Variants in SND1 observed in about 807,000 individuals in gnomAD.
The protein encoded by SND1 is staphylococcal nuclease and tudor domain containing 1.
In SND1, 38 loss-of-function variants were observed where a neutral mutation model predicts 121.7. That is an observed-to-expected ratio of 0.31 (90% confidence interval 0.24 to 0.41). The LOEUF (loss-of-function observed/expected upper bound fraction) is 0.41, where lower values mean the gene tolerates loss of function less well. SND1 is among the 10% of genes least tolerant of loss of function. The pLI is 1.00. For synonymous variants in SND1, 401 were observed against 447.4 expected (o/e 0.90, Z 1.31); for missense variants, 868 against 1,184.6 (o/e 0.73, Z 3.92).
intron 12 of SND1, among the ~76,000 whole-genome samples, chr7:127,884,524 A>G (rs908798036): frequency 1.3e-5 from 2 of 152,238 alleles, no homozygotes; most frequent in African/African-American, 2.4e-5. Flanking sequence ...TGAGGGACAT[A>G]GGGTTCCTCT....
intron 5 of SND1, 140 bp downstream of exon 5, chr7:127,701,463 A>G (rs1796099915): frequency 1.7e-5 from 14 of 812,050 alleles, no homozygotes; most frequent in Middle Eastern, 3.7e-4. Context: ...AGGTTAAAAC[A>G]GCACCTTAGT....
chr7:127,783,089 T>C (rs1004431630), intron 10 of SND1, among the ~76,000 whole-genome samples: 2 of 152,220 alleles, frequency 1.3e-5, no homozygotes, highest in Non-Finnish European at 1.5e-5. Context: ...ATATATTTCC[T>C]TTAAAGGGTA....
At chr7:127,895,891 C>G (rs1022611782) in intron 13 of SND1, among the ~76,000 whole-genome samples, 1 of 152,044 alleles carries the variant, frequency 6.6e-6, no homozygotes, top group Non-Finnish European at 1.5e-5. Flanking sequence ...CTCTTCCCTC[C>G]CCACCCCTAG....
chr7:127,972,448 G>A (rs1295768217), intron 15 of SND1, among the ~76,000 whole-genome samples: 9 of 151,802 alleles, frequency 5.9e-5, no homozygotes, highest in Admixed American at 3.9e-4. Flanking sequence ...TTATAGAGAC[G>A]GGTTTCGCCA....
chr7:127,686,540 C>G (rs1373993617), intron 1 of SND1, 73 bp from the exon 2 acceptor site: 4 of 1,485,084 alleles, frequency 2.7e-6, no homozygotes, highest in Admixed American at 1.9e-5. Context: ...GTTGGGGATA[C>G]GGTGGTACAC....
chr7:127,946,563 A>C (rs1801334685), intron 15 of SND1, among the ~76,000 whole-genome samples: 1 of 152,198 alleles, frequency 6.6e-6, no homozygotes, highest in South Asian at 2.1e-4. Context: ...TAAACTGACT[A>C]CCTTGAAGAG....
intron 12 of SND1, among the ~76,000 whole-genome samples, chr7:127,881,579 A>G (rs1204598066): frequency 1.3e-5 from 2 of 152,118 alleles, no homozygotes; most frequent in African/African-American, 2.4e-5. Flanking sequence ...TTTTATCTTT[A>G]TTGTCCCCGT....
At chr7:128,021,820 C>T (rs1055602561) in intron 16 of SND1, among the ~76,000 whole-genome samples, 2 of 152,148 alleles carry the variant, frequency 1.3e-5, no homozygotes, top group Non-Finnish European at 2.9e-5. Flanking sequence ...CCTGTTATGG[C>T]AGATGAGTGT....
chr7:128,063,155 G>T (rs1793258593), intron 16 of SND1, among the ~76,000 whole-genome samples: 1 of 152,150 alleles, frequency 6.6e-6, no homozygotes, highest in South Asian at 2.1e-4. Flanking sequence ...GCTCTCTCAT[G>T]TCCACTTTTG....
intron 15 of SND1, among the ~76,000 whole-genome samples, chr7:127,940,443 G>T (rs1280327505): frequency 1.3e-5 from 2 of 152,150 alleles, no homozygotes; most frequent in Non-Finnish European, 2.9e-5. Context: ...AGTAGAAAAT[G>T]GCAGGACCTG....
intron 14 of SND1, among the ~76,000 whole-genome samples, chr7:127,912,884 A>C (rs1366328133): frequency 1.3e-5 from 2 of 152,216 alleles, no homozygotes; most frequent in Non-Finnish European, 2.9e-5. Flanking sequence ...AAAGTTCTAA[A>C]AAAAAGAAAA....
In SND1 at chr7:128,085,855, C is replaced by A. The variant is rs1793678924; in HGVS notation, c.2304+75C>A. On this transcript the variant is annotated intron_variant, in intron 20 of 23. Transcript: ENST00000354725. The surrounding 1 kb of genome is among the most constrained non-coding windows in gnomAD (Gnocchi z 4.4). ...CCCGAGTCAAATCCATCTGATCTCT[C>A]CAAGGTCCCTCTGAGCTTACCAATA... is the stretch of plus-strand genomic sequence containing the variant. 1 of 1,257,430 alleles carries A rather than the reference C, an allele frequency of 8.0e-7. No individual in the cohort carries two copies. The highest frequency in any genetic ancestry group is 1.2e-6 in the Non-Finnish European group (1 of 858,220). 77.9% of individuals were successfully genotyped at this position (1,257,430 alleles called of 1,614,324 possible). A position where few individuals can be genotyped will look rare whatever the true frequency, so the allele number is the denominator to read the frequency against.
rs10252379 is a variant in SND1, at chr7:128,049,188, C to T, written c.1780-25314C>T. Among the ~76,000 whole-genome samples, 103 of 152,264 alleles carry T rather than the reference C, an allele frequency of 6.8e-4. 1 individual carries two copies. Among genetic ancestry groups the T allele is most frequent in the African/African-American group, 2.2e-3 (92 of 41,554 alleles). ...CTGCAGATTTTTTCACTCTTCTCTTCCCAACTCAGCCTGAATTTTATAACA... is the reference window on the plus strand; with the variant it reads ...CTGCAGATTTTTTCACTCTTCTCTTTCCAACTCAGCCTGAATTTTATAACA... On this transcript the variant is annotated intron_variant, in intron 16 of 23. Transcript: ENST00000354725.
intron 10 of SND1, among the ~76,000 whole-genome samples, chr7:127,804,316 ATTAG>A (rs148982047): frequency 0.014 from 2,105 of 152,132 alleles, 24 homozygotes; most frequent in Non-Finnish European, 0.017. Context: ...TGCTTGTGCT[ATTAG>A]TTCTTTTCTA....
intron 10 of SND1, among the ~76,000 whole-genome samples, chr7:127,770,900 G>A (rs145940031): frequency 0.016 from 2,454 of 152,288 alleles, 30 homozygotes; most frequent in Non-Finnish European, 0.024. Context: ...GATTTAGGCA[G>A]ACCAAAAAGC....
In SND1 at chr7:127,676,948, G is replaced by T. The variant is rs565246439; in HGVS notation, c.79-9665G>T. Among the ~76,000 whole-genome samples, 61 of 152,276 alleles carry T rather than the reference G, an allele frequency of 4.0e-4. No individual in the cohort carries two copies. In the Middle Eastern group the frequency reaches 0.01, roughly 25 times the overall value. On this transcript the variant is annotated intron_variant, in intron 1 of 23. Coordinates refer to ENST00000354725, the MANE Select transcript of SND1 (RefSeq NM_014390.4). Reference sequence around the variant, plus strand: ...GTAGAGATGGGGTTTCACCTTCTTGGCCAGGCTGGTCTCGAACTCCTGACC... The same window carrying T: ...GTAGAGATGGGGTTTCACCTTCTTGTCCAGGCTGGTCTCGAACTCCTGACC...
At chr7:127,850,611 A>G (rs924409433) in intron 12 of SND1, among the ~76,000 whole-genome samples, 8 of 152,182 alleles carry the variant, frequency 5.3e-5, no homozygotes, top group African/African-American at 1.9e-4. Context: ...AACACAAGAC[A>G]CTAGAATGAG....
At chr7:127,997,768 A>T in intron 16 of SND1, 1 of 534,742 alleles carries the variant, frequency 1.9e-6, no homozygotes, top group South Asian at 1.4e-5. Context: ...AGTTCACCAT[A>T]TATACCATTA....
intron 16 of SND1, among the ~76,000 whole-genome samples, chr7:128,025,540 A>G (rs933835251): frequency 8.5e-5 from 13 of 152,212 alleles, no homozygotes; most frequent in Non-Finnish European, 2.9e-5. Flanking sequence ...AAGAGCTACC[A>G]ACCCGTGTTC....
Sources: gnomAD v4.1 joint callset for allele counts (sites outside exome capture counted in the v4.1 genomes callset) on GRCh38, gnomAD v4.1.1 for gene constraint, Gnocchi (gnomAD v3.1) non-coding constraint, MANE v1.5 for transcripts, NCBI Gene and HGNC (gene_info 2026-07-23, HGNC 2026-07-21) for gene names.